The following KDM4C variants were observed in gnomAD, a reference collection of about 807,000 sequenced individuals.
KDM4C encodes lysine-specific demethylase 4C.
In KDM4C, 81 loss-of-function variants were observed where a neutral mutation model predicts 129.3. The observed-to-expected ratio is 0.63, with a 90% CI of 0.52 to 0.75. The LOEUF (loss-of-function observed/expected upper bound fraction) is 0.75. Among genes scored for constraint, KDM4C ranks in the 30% least tolerant of loss-of-function variants. The probability of loss-of-function intolerance (pLI) is 0.00; values close to 1 mark genes in which losing one functional copy is unlikely to be tolerated. For synonymous variants in KDM4C, 573 were observed against 456.1 expected (o/e 1.26, Z -3.26); for missense variants, 1,457 against 1,304.0 (o/e 1.12, Z -1.81).
chr9:7,038,760 C>T (rs1281792674), intron 15 of KDM4C, among the ~76,000 whole-genome samples: 1 of 151,924 alleles, frequency 6.6e-6, no homozygotes, highest in African/African-American at 2.4e-5. Flanking sequence ...TCTCCGTAAC[C>T]ATCATAACAG....
chr9:7,053,858 GA>G (rs1213488438), intron 17 of KDM4C, among the ~76,000 whole-genome samples: 1 of 152,202 alleles, frequency 6.6e-6, no homozygotes, highest in African/African-American at 2.4e-5. Context: ...TTACAGGGCA[GA>G]AATGAAAATG....
chr9:7,056,826 A>G (rs1316492835), intron 17 of KDM4C, among the ~76,000 whole-genome samples: 1 of 152,160 alleles, frequency 6.6e-6, no homozygotes, highest in Non-Finnish European at 1.5e-5. Flanking sequence ...GTGAGTAGTG[A>G]TTACTGACAG....
intron 4 of KDM4C, among the ~76,000 whole-genome samples, chr9:6,834,150 T>G (rs1835425246): frequency 6.6e-6 from 1 of 150,624 alleles, no homozygotes. Flanking sequence ...GCGGTTCTGG[T>G]GCCCCAGTCT....
At chr9:7,092,467 C>G (rs1835915540) in intron 17 of KDM4C, among the ~76,000 whole-genome samples, 1 of 152,184 alleles carries the variant, frequency 6.6e-6, no homozygotes, top group Non-Finnish European at 1.5e-5. Context: ...TTGCATTAAT[C>G]TGACCAGGGC....
intron 21 of KDM4C, chr9:7,170,618 C>G (rs1165829673): frequency 1.4e-5 from 13 of 952,850 alleles, no homozygotes; most frequent in South Asian, 4.9e-5. Flanking sequence ...CAGTTTTATT[C>G]ATTTAGAATT....
At chr9:7,045,912 C>T (rs1829323627) in intron 15 of KDM4C, among the ~76,000 whole-genome samples, 1 of 151,946 alleles carries the variant, frequency 6.6e-6, no homozygotes, top group African/African-American at 2.4e-5. Context: ...CCTTGTAAAG[C>T]TAGGAAAAAT....
chr9:6,723,219 C>G (rs1423316076), intron 1 of KDM4C, among the ~76,000 whole-genome samples: 1 of 151,840 alleles, frequency 6.6e-6, no homozygotes, highest in Non-Finnish European at 1.5e-5. Context: ...ACTAAAAATA[C>G]AAAAAGTTAG....
intron 5 of KDM4C, among the ~76,000 whole-genome samples, chr9:6,872,083 A>G (rs1018492663): frequency 1.3e-5 from 2 of 152,198 alleles, no homozygotes; most frequent in African/African-American, 2.4e-5. Flanking sequence ...GTTGACACCT[A>G]TGTGAGTGAT....
intron 15 of KDM4C, among the ~76,000 whole-genome samples, chr9:7,024,168 G>A (rs1446148307): frequency 3.3e-5 from 5 of 151,790 alleles, no homozygotes; most frequent in Non-Finnish European, 7.4e-5. Flanking sequence ...TGTAGATTAC[G>A]TGTGATATTT....
At chr9:6,957,707 T>TA (rs1017663384) in intron 8 of KDM4C, among the ~76,000 whole-genome samples, 1 of 152,078 alleles carries the variant, frequency 6.6e-6, no homozygotes, top group African/African-American at 2.4e-5. Context: ...GTTCATGTTA[T>TA]AGCAGGAGCC....
At chr9:6,734,288 GTTTTTTTT>G (rs57329090) in intron 1 of KDM4C, among the ~76,000 whole-genome samples, 29 of 110,298 alleles carry the variant, frequency 2.6e-4, no homozygotes, top group Admixed American at 9.7e-4. Flanking sequence ...CCCATGTTTG[GTTTTTTTT>G]TTTTTTTTTT....
chr9:6,726,426 C>T (rs948007719), intron 1 of KDM4C: 1 of 152,318 alleles, frequency 6.6e-6, no homozygotes, highest in Non-Finnish European at 1.5e-5. Flanking sequence ...TTTCCCTGTC[C>T]TTCTGGCCAG....
At chr9:6,946,049 A>C (rs1294739273) in intron 8 of KDM4C, among the ~76,000 whole-genome samples, 1 of 152,156 alleles carries the variant, frequency 6.6e-6, no homozygotes, top group Non-Finnish European at 1.5e-5. Flanking sequence ...GAAAAATTGA[A>C]TGAGTTATGT....
At chr9:6,868,731 A>G (rs1356083985) in intron 5 of KDM4C, among the ~76,000 whole-genome samples, 1 of 151,870 alleles carries the variant, frequency 6.6e-6, no homozygotes, top group Non-Finnish European at 1.5e-5. Context: ...GGTTGACTCC[A>G]TGGATGTGGG....
rs138516661 is a variant in KDM4C, at chr9:7,030,737, T to C, written c.2259+14808T>C. Among the ~76,000 whole-genome samples the C allele has an allele frequency of 1.6e-3, 238 of 152,362 alleles. 2 individuals carry two copies. Among genetic ancestry groups the C allele is most frequent in the African/African-American group, 4.5e-3 (189 of 41,588 alleles). ...TTTATTTCAATATATGCCTTACAGT[T>C]AATTCAGGAGAATTTGAATATTTAT... On this transcript the variant is annotated intron_variant, in intron 15 of 21. Coordinates refer to ENST00000381309, the MANE Select transcript of KDM4C (RefSeq NM_015061.6).
chr9:7,147,376 G>A (rs375527459), intron 19 of KDM4C, among the ~76,000 whole-genome samples: 13 of 152,122 alleles, frequency 8.5e-5, no homozygotes, highest in East Asian at 7.7e-4. Context: ...TCTCCCCTGC[G>A]TGCCTATCCT....
chr9:6,850,204 T>C (rs542856938), intron 5 of KDM4C, among the ~76,000 whole-genome samples: 1 of 152,334 alleles, frequency 6.6e-6, no homozygotes, highest in Admixed American at 6.5e-5. Flanking sequence ...ACAACATATT[T>C]CTCAGAAACT....
At chr9:6,971,957 T>C (rs1227270563) in intron 8 of KDM4C, among the ~76,000 whole-genome samples, 1 of 152,190 alleles carries the variant, frequency 6.6e-6, no homozygotes, top group Admixed American at 6.5e-5. Context: ...GCATATACTA[T>C]GTAATGATGA....
intron 8 of KDM4C, among the ~76,000 whole-genome samples, chr9:6,932,561 C>G (rs543613683): frequency 7.2e-5 from 11 of 152,220 alleles, no homozygotes; most frequent in Admixed American, 7.2e-4. Flanking sequence ...CTATTCAAAC[C>G]TTTTCTAATT....
Sources: gnomAD v4.1 joint callset for allele counts (sites outside exome capture counted in the v4.1 genomes callset) on GRCh38, gnomAD v4.1.1 for gene constraint, MANE v1.5 for transcripts, NCBI Gene and HGNC (gene_info 2026-07-23, HGNC 2026-07-21) for gene names.